The following ATP5F1C variants were observed in gnomAD, a reference collection of about 807,000 sequenced individuals.
ATP5F1C encodes ATP synthase F1 subunit gamma, also known as ATP synthase F(1) complex subunit gamma, mitochondrial.
ATP5F1C carries 22 observed loss-of-function variants against 37.4 expected under a neutral mutation model. That is an observed-to-expected ratio of 0.59 (90% CI 0.42 to 0.84). ATP5F1C has a LOEUF of 0.84. ATP5F1C is among the 40% of genes least tolerant of loss of function. The probability of loss-of-function intolerance (pLI) is 0.00; values close to 1 mark genes in which losing one functional copy is unlikely to be tolerated. For synonymous variants in ATP5F1C, 121 were observed against 128.0 expected, an observed-to-expected ratio of 0.95 and a Z score of 0.37; for missense variants, 286 against 362.4, an observed-to-expected ratio of 0.79 and a Z score of 1.71.
At chr10:7,788,389 C>T (rs753872844) in intron 1 of ATP5F1C, 126 bp downstream of exon 1, 23 of 1,337,236 alleles carry the variant, frequency 1.7e-5, no homozygotes, top group South Asian at 1.4e-4. Context: ...GCCCCTGGCC[C>T]GTCGGAGGCG....
At chr10:7,805,361 G>T (rs1173907100) in intron 8 of ATP5F1C, among the ~76,000 whole-genome samples, 1 of 152,116 alleles carries the variant, frequency 6.6e-6, no homozygotes, top group Non-Finnish European at 1.5e-5. Context: ...AACCCAAGGG[G>T]GTTTTTTTGC....
chr10:7,803,608 T>A lies in ATP5F1C; in HGVS notation c.890+754T>A, dbSNP rs56963427. On this transcript the variant is annotated intron_variant, in intron 8 of 9. Transcript: ENST00000356708. ...ATACTGCTTTCCTCAAGAAAATTTCTTAGTTGTTGAAAAACTTTAATGTTT... is the reference window on the plus strand; with the variant it reads ...ATACTGCTTTCCTCAAGAAAATTTCATAGTTGTTGAAAAACTTTAATGTTT... Among the ~76,000 whole-genome samples, 852 of 152,350 alleles carry A rather than the reference T, an allele frequency of 5.6e-3. 9 individuals are homozygous for A. The highest frequency in any genetic ancestry group is 0.019 in the African/African-American group (787 of 41,584).
chr10:7,795,051 T>G (rs777997405), intron 1 of ATP5F1C, among the ~76,000 whole-genome samples: 4 of 152,240 alleles, frequency 2.6e-5, no homozygotes, highest in Non-Finnish European at 5.9e-5. Flanking sequence ...TGTGAGATAC[T>G]TTGCTGAAAT....
At position 7,807,776 on chromosome 10, in the gene ATP5F1C, C is replaced by T. The variant is rs1267979840; in HGVS notation, c.*148C>T. The T allele has an allele frequency of 4.2e-6, 5 of 1,190,376 alleles. No homozygotes were observed. Among genetic ancestry groups the T allele is most frequent in the Non-Finnish European group, 5.9e-6 (5 of 853,778 alleles). 73.7% of individuals were successfully genotyped at this position (1,190,376 alleles called of 1,614,324 possible). A position where few individuals can be genotyped will look rare whatever the true frequency, so the allele number is the denominator to read the frequency against. The stretch of plus-strand genomic sequence containing the variant: ...AGACAGCAAGATATTTGTAAATTAT[C>T]TTAAAATAAACAACTTAAAATAAAA... On this transcript the variant is annotated 3_prime_UTR_variant, in exon 10 of 10. Coordinates refer to ENST00000356708, the MANE Select transcript of ATP5F1C (RefSeq NM_001001973.3).
chr10:7,802,942 T>C, intron 8 of ATP5F1C, 88 bp downstream of exon 8: 4 of 1,224,806 alleles, frequency 3.3e-6, no homozygotes, highest in Non-Finnish European at 4.6e-6. Context: ...TTTTCGTTTT[T>C]TTCTTTTGAA....
At chr10:7,799,740 A>G in intron 4 of ATP5F1C, 32 bp from the exon 5 acceptor site, 1 of 1,604,410 alleles carries the variant, frequency 6.2e-7, no homozygotes, top group South Asian at 1.1e-5. Context: ...ATCTTATTAA[A>G]CTAGCTATGT....
rs1242409461 is a variant in ATP5F1C at position 7,802,408 on chromosome 10, A to G, written c.776A>G (p.Asn259Ser). 1.9e-6 allele frequency: 3 copies of G among 1,612,994 alleles called. No homozygotes were observed. The highest frequency in any genetic ancestry group is 2.5e-6 in the Non-Finnish European group (3 of 1,179,634). ...EQSARMTAMD[N>S]ASKNASEMID... The stretch of plus-strand genomic sequence containing the variant: ...AGTGCCAGGATGACAGCCATGGACA[A>G]TGCCAGCAAGAATGCTTGTAAGTAC... Residue 259 changes from asparagine (N) to serine (S), a missense_variant, in exon 7 of 10, where the codon AAT (asparagine) becomes AGT (serine). Transcript: ENST00000356708.
intron 8 of ATP5F1C, among the ~76,000 whole-genome samples, chr10:7,803,115 A>G (rs1329651144): frequency 6.6e-6 from 1 of 152,182 alleles, no homozygotes; most frequent in Non-Finnish European, 1.5e-5. Flanking sequence ...ATTCAGTATC[A>G]TTTATGAAAT....
chr10:7,797,171 A>C lies in ATP5F1C; in HGVS notation c.216A>C (p.Gly72=), dbSNP rs1588498777. The C allele has an allele frequency of 6.2e-7, 1 of 1,613,714 alleles. No homozygotes were observed. The highest frequency in any genetic ancestry group is 8.5e-7 in the Non-Finnish European group (1 of 1,179,850). The change falls in exon 3 of 10, where the codon GGA becomes GGC. Residue 72 remains glycine, a synonymous_variant. Coordinates refer to ENST00000356708, the MANE Select transcript of ATP5F1C (RefSeq NM_001001973.3). ...ELKPARIYGL[G]SLALYEKADI... is the part of the protein sequence containing the mutation. ...AACCAGCTCGAATATATGGATTGGG[A>C]TCTTTAGGTAAGGGAAGAGTGTAAT... is the stretch of plus-strand genomic sequence containing the variant.
rs1836296171 is a variant in ATP5F1C at position 7,798,997 on chromosome 10, T to C, written c.231T>C (p.Tyr77=). 6.2e-7 allele frequency: 1 copy of C among 1,611,940 alleles called. No homozygotes were observed. Among genetic ancestry groups the C allele is most frequent in the African/African-American group, 1.3e-5 (1 of 74,960 alleles). ...CTTTTGTTTGTTTTTAAGCTCTGTA[T>C]GAAAAAGCTGATATCAAGGGGCCTG... ...RIYGLGSLAL[Y]EKADIKGPED... Residue 77 remains tyrosine (Y), a synonymous_variant, in exon 4 of 10, where the codon TAT becomes TAC. Transcript: ENST00000356708.
intron 1 of ATP5F1C, 101 bp downstream of exon 1, chr10:7,788,364 G>A (rs913439605): frequency 3.4e-6 from 5 of 1,472,664 alleles, no homozygotes; most frequent in South Asian, 1.2e-5. Context: ...ATGTGGGGTC[G>A]CAGGGCCTAG....
At position 7,797,036 on chromosome 10, in the gene ATP5F1C, C is replaced by G; in HGVS notation, c.92-11C>G. ...ATTCCTTTGTCTTAACACAGTACTT[C>G]TATTTTTCAGTCACCAGGAGACTAA... On this transcript the variant is annotated splice_polypyrimidine_tract_variant and intron_variant, in intron 2 of 9. Coordinates refer to ENST00000356708, the MANE Select transcript of ATP5F1C (RefSeq NM_001001973.3). The G allele has an allele frequency of 6.2e-7, 1 of 1,612,906 alleles. No homozygotes were observed.
intron 1 of ATP5F1C, among the ~76,000 whole-genome samples, chr10:7,790,686 ACT>A (rs916325667): frequency 6.6e-6 from 1 of 152,096 alleles, no homozygotes; most frequent in Admixed American, 6.6e-5. Context: ...GAAGAGAGAG[ACT>A]CTGTAGCCAG....
At chr10:7,807,422 T>C (rs1836504145) in intron 9 of ATP5F1C, among the ~76,000 whole-genome samples, 1 of 152,190 alleles carries the variant, frequency 6.6e-6, no homozygotes, top group Admixed American at 6.5e-5. Context: ...CTCTACTGTA[T>C]ACTCGAGAAT....
rs1588498709 is a variant in ATP5F1C at position 7,797,120 on chromosome 10, A to G, written c.165A>G (p.Lys55=). ...TKSMKMVAAA[K]YARAERELKP... ...CTATGAAAATGGTAGCGGCAGCAAA[A>G]TATGCCCGAGCTGAGAGAGAGCTGA... The change falls in exon 3 of 10, where the codon AAA becomes AAG. Residue 55 remains lysine (K), a synonymous_variant. Coordinates refer to ENST00000356708, the MANE Select transcript of ATP5F1C (RefSeq NM_001001973.3). The G allele has an allele frequency of 3.7e-6, 6 of 1,614,224 alleles. No homozygotes were observed. The highest frequency in any genetic ancestry group is 5.1e-6 in the Non-Finnish European group (6 of 1,180,042).
At chr10:7,806,200 T>C (rs1564335591) in intron 8 of ATP5F1C, among the ~76,000 whole-genome samples, 1 of 152,260 alleles carries the variant, frequency 6.6e-6, no homozygotes, top group South Asian at 2.1e-4. Flanking sequence ...TTGCATGCTC[T>C]GTAACCTATC....
intron 8 of ATP5F1C, chr10:7,804,263 C>A: frequency 2.0e-6 from 1 of 511,784 alleles, no homozygotes. Flanking sequence ...AGGAAAATAA[C>A]AAAATCCATT....
intron 8 of ATP5F1C, chr10:7,804,202 C>T (rs537775323): frequency 5.8e-6 from 3 of 518,790 alleles, no homozygotes; most frequent in Admixed American, 1.9e-5. Context: ...AGAATACTTG[C>T]TGTGTGGCCC....
intron 6 of ATP5F1C, 107 bp from the exon 7 acceptor site, chr10:7,802,163 A>T: frequency 8.9e-7 from 1 of 1,125,572 alleles, no homozygotes. Context: ...ATCTAGCATT[A>T]ATTTCTGCTC....
Sources: allele counts gnomAD v4.1 joint callset (sites outside exome capture counted in the v4.1 genomes callset), GRCh38; gene constraint gnomAD v4.1.1; transcripts MANE v1.5; gene names NCBI Gene and HGNC (gene_info 2026-07-23, HGNC 2026-07-21).